SHQ1: variants seen among roughly 807,000 people sequenced by gnomAD.
SHQ1 encodes protein SHQ1 homolog.
A neutral mutation model predicts 53.8 loss-of-function variants in SHQ1; 49 were observed. That is an observed-to-expected ratio of 0.91 (90% CI 0.72 to 1.16). The LOEUF (loss-of-function observed/expected upper bound fraction) is 1.16, where lower values mean the gene tolerates loss of function less well. SHQ1 is among the 50% of genes most tolerant of loss of function. The pLI, the probability that SHQ1 is intolerant of heterozygous loss-of-function variation, is 0.00. For synonymous variants in SHQ1, 243 were observed against 251.0 expected, an observed-to-expected ratio of 0.97 and a Z score of 0.30; for missense variants, 738 against 683.1, an observed-to-expected ratio of 1.08 and a Z score of -0.90.
chr3:72,836,447 C>T (rs192727713), intron 4 of SHQ1, among the ~76,000 whole-genome samples: 2 of 151,986 alleles, frequency 1.3e-5, no homozygotes, highest in Non-Finnish European at 2.9e-5. Context: ...TGAGATCACG[C>T]CACTGCACTC....
intron 9 of SHQ1, chr3:72,793,823 T>G (rs1238200488): frequency 6.6e-6 from 1 of 152,212 alleles, no homozygotes; most frequent in African/African-American, 2.4e-5. Context: ...TGAAGAAAAC[T>G]GAACACTAAA....
intron 10 of SHQ1, among the ~76,000 whole-genome samples, chr3:72,756,716 G>T (rs1376549944): frequency 6.6e-6 from 1 of 152,202 alleles, no homozygotes; most frequent in African/African-American, 2.4e-5. Context: ...ACTCAAAATA[G>T]ATTTTTCTTA....
At chr3:72,818,996 T>TA (rs1010028262) in intron 6 of SHQ1, among the ~76,000 whole-genome samples, 1 of 152,168 alleles carries the variant, frequency 6.6e-6, no homozygotes, top group Non-Finnish European at 1.5e-5. Flanking sequence ...ATCTGTTTTT[T>TA]AAAAAAATAA....
Position 72,790,439 on chromosome 3 carries a change from T to A in SHQ1, c.1181+2477A>T, listed in dbSNP as rs1012489971. Among the ~76,000 whole-genome samples the A allele has an allele frequency of 3.3e-5, 5 of 152,348 alleles. No individual in the cohort carries two copies. In the East Asian group the frequency reaches 9.6e-4, roughly 29 times the overall value. ...AAACCTTACATAGTTTTTATTATTATAATCAAAAACATCAAACTAAACTAA... is the reference window on the plus strand; with the variant it reads ...AAACCTTACATAGTTTTTATTATTAAAATCAAAAACATCAAACTAAACTAA... On this transcript the variant is annotated intron_variant, in intron 10 of 10. Transcript: ENST00000325599.
chr3:72,848,378 C>G lies in SHQ1; in HGVS notation c.-38G>C. On this transcript the variant is annotated 5_prime_UTR_variant, in exon 1 of 11. Transcript: ENST00000325599. ...CGCAAGGGCCGGCGCCGCTCGCTCT[C>G]ACTGCCGCCGCGTTCCCGCCACGCA... 1.2e-6 allele frequency: 2 copies of G among 1,609,028 alleles called. No homozygotes were observed. The highest frequency in any genetic ancestry group is 1.7e-6 in the Non-Finnish European group (2 of 1,177,198).
intron 1 of SHQ1, among the ~76,000 whole-genome samples, chr3:72,845,485 CAAAA>C (rs550677371): frequency 8.1e-6 from 1 of 123,692 alleles, no homozygotes. Flanking sequence ...ATTCTGTGTC[CAAAA>C]AAAAAAAAAG....
chr3:72,733,722 C>T, the SHQ1 span, among the ~76,000 whole-genome samples: 2 of 151,628 alleles, frequency 1.3e-5, no homozygotes, highest in African/African-American at 4.9e-5. Flanking sequence ...TCCCAACCTG[C>T]CTTCAAAGCA....
At chr3:72,843,229 A>G (rs887927468) in intron 2 of SHQ1, among the ~76,000 whole-genome samples, 1 of 152,200 alleles carries the variant, frequency 6.6e-6, no homozygotes, top group South Asian at 2.1e-4. Flanking sequence ...ATTAACCAGG[A>G]GTTACTAATT....
At chr3:72,835,407 T>C (rs1707962666) in intron 4 of SHQ1, among the ~76,000 whole-genome samples, 1 of 152,158 alleles carries the variant, frequency 6.6e-6, no homozygotes, top group Admixed American at 6.5e-5. Flanking sequence ...GCAAACTTCC[T>C]ACTGAGTACA....
At position 72,824,563 on chromosome 3, in the gene SHQ1, C is replaced by T. The variant is rs1707588904; in HGVS notation, c.600-12G>A. 6 of 1,604,650 alleles carry T rather than the reference C, an allele frequency of 3.7e-6. No individual in the cohort carries two copies. Among genetic ancestry groups the T allele is most frequent in the Non-Finnish European group, 5.1e-6 (6 of 1,177,584 alleles). On this transcript the variant is annotated splice_polypyrimidine_tract_variant and intron_variant, in intron 5 of 10. Transcript: ENST00000325599. ...CAAAAAAGTCAGCTCTAGGAAAAAA[C>T]ATTGAAAGAACTTACTATACAGGAT...
intron 10 of SHQ1, among the ~76,000 whole-genome samples, chr3:72,766,575 T>C (rs1705735027): frequency 6.6e-6 from 1 of 152,064 alleles, no homozygotes; most frequent in Non-Finnish European, 1.5e-5. Context: ...AAGATAAAAC[T>C]ATTTGAGGGC....
At chr3:72,794,270 A>G (rs1433995009) in intron 9 of SHQ1, 2 of 152,224 alleles carry the variant, frequency 1.3e-5, no homozygotes, top group Non-Finnish European at 2.9e-5. Context: ...TCAAGATCCT[A>G]AAATTGCTGA....
At chr3:72,801,748 T>C (rs1559678959) in intron 9 of SHQ1, among the ~76,000 whole-genome samples, 1 of 152,206 alleles carries the variant, frequency 6.6e-6, no homozygotes, top group Admixed American at 6.5e-5. Flanking sequence ...ATAAATATAA[T>C]TTAGTAAAGC....
chr3:72,735,827 C>G, the SHQ1 span, among the ~76,000 whole-genome samples: 1 of 149,382 alleles, frequency 6.7e-6, no homozygotes, highest in East Asian at 2.0e-4. Flanking sequence ...ACTGAAGGTC[C>G]AGGGTGGAAG....
At chr3:72,802,817 C>T (rs1016930313) in intron 9 of SHQ1, among the ~76,000 whole-genome samples, 5 of 152,148 alleles carry the variant, frequency 3.3e-5, no homozygotes, top group Non-Finnish European at 5.9e-5. Context: ...GAAATCCTAT[C>T]ACTCATCTCC....
chr3:72,798,122 T>A (rs1706683174), intron 9 of SHQ1, among the ~76,000 whole-genome samples: 1 of 152,146 alleles, frequency 6.6e-6, no homozygotes, highest in Non-Finnish European at 1.5e-5. Flanking sequence ...AAGTCCAAGA[T>A]AATCATTTCT....
At position 72,778,447 on chromosome 3, in the gene SHQ1, T is replaced by TA. The variant is rs1315436505; in HGVS notation, c.1181+14468dup. Among the ~76,000 whole-genome samples the TA allele has an allele frequency of 2.7e-5, 4 of 150,340 alleles. No homozygotes were observed. In the South Asian group the frequency reaches 6.3e-4, roughly 23 times the overall value. ...CTGGGTGACAGAAACCCTGTCTCTT[T>TA]AAAAAAAGAAAAGAAAAGAAAAGAA... is the stretch of plus-strand genomic sequence containing the variant. On this transcript the variant is annotated intron_variant, in intron 10 of 10. Transcript: ENST00000325599.
intron 4 of SHQ1, 115 bp downstream of exon 4, chr3:72,840,930 A>AGATGTG (rs1708161334): frequency 8.0e-7 from 1 of 1,245,088 alleles, no homozygotes; most frequent in Admixed American, 2.4e-5. Context: ...TGCTTTAAAT[A>AGATGTG]CAATCACCTC....
intron 10 of SHQ1, among the ~76,000 whole-genome samples, chr3:72,769,759 C>T (rs1027030846): frequency 2.6e-5 from 4 of 152,202 alleles, no homozygotes; most frequent in Admixed American, 2.0e-4. Context: ...AGTCTAAATG[C>T]TCCATAACAG....
Sources: gnomAD v4.1 joint callset for allele counts (sites outside exome capture counted in the v4.1 genomes callset) on GRCh38, gnomAD v4.1.1 for gene constraint, MANE v1.5 for transcripts, NCBI Gene and HGNC (gene_info 2026-07-23, HGNC 2026-07-21) for gene names.